The following MRNIP variants were observed in gnomAD, a reference collection of about 807,000 sequenced individuals.
MRNIP encodes MRN complex-interacting protein.
In MRNIP, 30 loss-of-function variants were observed where a neutral mutation model predicts 29.8. The observed-to-expected ratio is 1.01, with a 90% CI of 0.75 to 1.36. The LOEUF (loss-of-function observed/expected upper bound fraction) is 1.36, where lower values mean the gene tolerates loss of function less well. Among genes scored for constraint, MRNIP ranks in the 40% most tolerant of loss-of-function variants. The pLI is 0.00. For missense variants in MRNIP, 459 were observed against 423.5 expected (o/e 1.08, Z -0.74); for synonymous variants, 201 against 164.1 (o/e 1.23, Z -1.72).
chr5:179,855,505 A>G lies in MRNIP; in HGVS notation c.67-2068T>C, dbSNP rs951726182. Reference sequence around the variant, plus strand: ...CCACTAAAACCAGATAGTCTAATACAGTGGTTAGGTACAAAATTAAGATAC... The same window carrying G: ...CCACTAAAACCAGATAGTCTAATACGGTGGTTAGGTACAAAATTAAGATAC... On this transcript the variant is annotated intron_variant, in intron 1 of 6. Coordinates refer to ENST00000292586, the MANE Select transcript of MRNIP (RefSeq NM_016175.4). 1.6e-4 allele frequency among the ~76,000 whole-genome samples: 24 copies of G among 152,340 alleles called. 1 individual carries two copies. The highest frequency in any genetic ancestry group is 5.8e-4 in the African/African-American group (24 of 41,570).
chr5:179,841,549 G>A (rs1440092691), intron 5 of MRNIP: 1 of 230,722 alleles, frequency 4.3e-6, no homozygotes, highest in Non-Finnish European at 8.4e-6. Context: ...TGAAGCAGAA[G>A]AAAACTTCCT....
intron 2 of MRNIP, among the ~76,000 whole-genome samples, chr5:179,850,464 C>T (rs1759322627): frequency 6.6e-6 from 1 of 152,224 alleles, no homozygotes; most frequent in African/African-American, 2.4e-5. Context: ...CTGGCAGGAG[C>T]ATTCTTGATG....
chr5:179,843,043 A>AAGAGGAAAGAAGGAAGGAAGGAAGGG (rs200857736), intron 4 of MRNIP, among the ~76,000 whole-genome samples: 1 of 97,066 alleles, frequency 1.0e-5, no homozygotes, highest in Non-Finnish European at 2.0e-5. Flanking sequence ...AGGAGGAAAG[A>AAGAGGAAAGAAGGAAGGAAGGAAGGG]AGGAAGGAAG....
chr5:179,842,007 C>T lies in MRNIP; in HGVS notation c.349G>A (p.Glu117Lys), dbSNP rs1254441875. ...ACTCCTGTTCCTTCCAGCTCCAGTT[C>T]TTGGGAGTCCTTTTCTAGATACTTC... is the stretch of plus-strand genomic sequence containing the variant. ...WLKYLEKDSQ[E>K]LELEGTGVCF... Residue 117 changes from glutamate (E) to lysine (K), a missense_variant, in exon 5 of 7, where the codon GAA (glutamate) becomes AAA (lysine). Glu to Lys is a moderately conservative substitution (Grantham distance 56). Transcript: ENST00000292586. 6.2e-7 allele frequency: 1 copy of T among 1,614,006 alleles called. No homozygotes were observed. Among genetic ancestry groups the T allele is most frequent in the African/African-American group, 1.3e-5 (1 of 74,908 alleles).
At chr5:179,856,065 C>T (rs763882027) in intron 1 of MRNIP, among the ~76,000 whole-genome samples, 38 of 151,776 alleles carry the variant, frequency 2.5e-4, no homozygotes, top group Non-Finnish European at 1.2e-4. Context: ...CCCGCCACCA[C>T]GACCTGTATT....
At chr5:179,850,428 C>T (rs143124533) in intron 2 of MRNIP, among the ~76,000 whole-genome samples, 1,914 of 152,338 alleles carry the variant, frequency 0.013, 36 homozygotes, top group African/African-American at 0.037. Context: ...ACACACTATA[C>T]GTGTCCAGTG....
rs1184354396 is a variant in MRNIP, at chr5:179,853,167, C to G, written c.126+211G>C. ...GCACACAGAAAGTACTCAAGAAATA[C>G]TTGCTGAATGAAGAATCAAATGGCA... On this transcript the variant is annotated intron_variant, in intron 2 of 6. Transcript: ENST00000292586. The G allele has an allele frequency of 2.1e-6, 3 of 1,448,596 alleles. No individual in the cohort carries two copies. The African/African-American group carries it at 4.2e-5, about 20-fold the overall frequency. 89.7% of individuals were successfully genotyped at this position (1,448,596 alleles called of 1,614,324 possible).
intron 2 of MRNIP, chr5:179,851,104 C>A: frequency 2.4e-6 from 1 of 410,918 alleles, no homozygotes; most frequent in Non-Finnish European, 4.9e-6. Context: ...GTGTTTGTTA[C>A]TGTGGCCTAG....
At chr5:179,849,614 G>C (rs1463081885) in intron 2 of MRNIP, among the ~76,000 whole-genome samples, 2 of 140,950 alleles carry the variant, frequency 1.4e-5, no homozygotes, top group African/African-American at 5.4e-5. Flanking sequence ...GAATTTGAGA[G>C]CATGGATCCT....
intron 2 of MRNIP, chr5:179,851,204 T>G: frequency 2.2e-6 from 1 of 454,796 alleles, no homozygotes; most frequent in Non-Finnish European, 4.4e-6. Context: ...TATATACATC[T>G]CAAACAAGCC....
At chr5:179,850,904 GT>G (rs1759340993) in intron 2 of MRNIP, among the ~76,000 whole-genome samples, 1 of 19,422 alleles carries the variant, frequency 5.1e-5, no homozygotes, top group Admixed American at 7.9e-4. Flanking sequence ...GCCCTTCTCA[GT>G]GGCTAGAAGC....
At chr5:179,845,552 G>C (rs527958413) in intron 3 of MRNIP, among the ~76,000 whole-genome samples, 194 of 151,258 alleles carry the variant, frequency 1.3e-3, no homozygotes, top group African/African-American at 4.5e-3. Context: ...CTTGAGCCTG[G>C]GAGGCGGAGG....
intron 3 of MRNIP, among the ~76,000 whole-genome samples, chr5:179,846,450 A>G (rs1759132420): frequency 1.3e-5 from 2 of 151,670 alleles, no homozygotes; most frequent in South Asian, 4.2e-4. Flanking sequence ...CGCCCAGCTG[A>G]TTTTGTATTT....
At chr5:179,853,050 T>C (rs532027222) in intron 2 of MRNIP, 33 of 440,762 alleles carry the variant, frequency 7.5e-5, no homozygotes, top group Non-Finnish European at 1.3e-4. Context: ...CAGATGCATG[T>C]GTGCATTAGT....
At chr5:179,849,494 G>C (rs1759267227) in intron 2 of MRNIP, among the ~76,000 whole-genome samples, 1 of 147,154 alleles carries the variant, frequency 6.8e-6, no homozygotes, top group African/African-American at 2.5e-5. Flanking sequence ...CAGGCAGATG[G>C]TAAGAGATGG....
intron 6 of MRNIP, chr5:179,840,538 T>G (rs115636373): frequency 2.1e-6 from 1 of 469,118 alleles, no homozygotes; most frequent in East Asian, 3.6e-5. Context: ...TGACGACTCC[T>G]GCCCGGACAA....
Position 179,841,947 on chromosome 5 carries a change from C to T in MRNIP, c.409G>A (p.Glu137Lys). Reference protein sequence around the residue: ...FSKQPSSKMEEPGPRFSQDLP... With the variant: ...FSKQPSSKMEKPGPRFSQDLP... ...TCTTGACTGAAGCGGGGGCCTGGCTCCTCCATTTTGGATGAAGGCTGTTTG... is the reference window on the plus strand; with the variant it reads ...TCTTGACTGAAGCGGGGGCCTGGCTTCTCCATTTTGGATGAAGGCTGTTTG... The change falls in exon 5 of 7, where the codon GAG becomes AAG. Residue 137 changes from glutamate (E) to lysine (K), a missense_variant. Glu to Lys is a moderately conservative substitution (Grantham distance 56). Coordinates refer to ENST00000292586, the MANE Select transcript of MRNIP (RefSeq NM_016175.4). 1 of 1,614,164 alleles carries T rather than the reference C, an allele frequency of 6.2e-7. No individual in the cohort carries two copies. The highest frequency in any genetic ancestry group is 8.5e-7 in the Non-Finnish European group (1 of 1,180,048).
chr5:179,837,383 G>T lies in MRNIP; in HGVS notation c.*8C>A. 6.3e-7 allele frequency: 1 copy of T among 1,585,598 alleles called. No homozygotes were observed. Among genetic ancestry groups the T allele is most frequent in the Non-Finnish European group, 8.6e-7 (1 of 1,164,356 alleles). On this transcript the variant is annotated 3_prime_UTR_variant, in exon 7 of 7. Transcript: ENST00000292586. ...GTGTATCTCGATTAATAACCTGCCA[G>T]TCCCAGATCACACATCATCATCGAA...
At chr5:179,858,459 G>A (rs1384544111) in intron 1 of MRNIP, among the ~76,000 whole-genome samples, 2 of 152,190 alleles carry the variant, frequency 1.3e-5, no homozygotes, top group African/African-American at 4.8e-5. Context: ...CTGCGTAAAG[G>A]ATGCTATACT....
Sources: allele counts gnomAD v4.1 joint callset (sites outside exome capture counted in the v4.1 genomes callset), GRCh38; gene constraint gnomAD v4.1.1; transcripts MANE v1.5; gene names NCBI Gene and HGNC (gene_info 2026-07-23, HGNC 2026-07-21).